Variants in ACACA observed in about 807,000 individuals in gnomAD.
The protein encoded by ACACA is acetyl-CoA carboxylase alpha, also known as acetyl-CoA carboxylase 1.
ACACA carries 103 observed loss-of-function variants against 296.1 expected under a neutral mutation model. The observed-to-expected ratio is 0.35, with a 90% CI of 0.30 to 0.41. ACACA has a LOEUF of 0.41. Among genes scored for constraint, ACACA ranks in the 10% least tolerant of loss-of-function variants. The pLI is 1.00. For missense variants in ACACA, 1,554 were observed against 2,989.7 expected (o/e 0.52, Z 11.20); for synonymous variants, 953 against 1,038.6 (o/e 0.92, Z 1.58).
At chr17:37,399,663 G>A (rs1303264689) in intron 1 of ACACA, among the ~76,000 whole-genome samples, 1 of 152,134 alleles carries the variant, frequency 6.6e-6, no homozygotes, top group Non-Finnish European at 1.5e-5. Context: ...CGCACTCTGT[G>A]TACATGAGAA....
chr17:37,192,054 C>T (rs777715316), intron 37 of ACACA, 36 bp downstream of exon 37: 10 of 1,592,104 alleles, frequency 6.3e-6, no homozygotes, highest in Middle Eastern at 1.7e-4. Flanking sequence ...TGTCCCTTCC[C>T]TCAGGGATAA....
intron 50 of ACACA, among the ~76,000 whole-genome samples, chr17:37,119,589 AACACAC>A (rs71368443): frequency 0.068 from 8,783 of 128,224 alleles, 311 homozygotes; most frequent in Admixed American, 0.11. Context: ...TTTTCAACCA[AACACAC>A]ACACACACAC....
intron 43 of ACACA, 150 bp from the exon 44 acceptor site, chr17:37,151,571 T>C (rs569328194): frequency 5.3e-6 from 5 of 948,708 alleles, no homozygotes; most frequent in Admixed American, 2.5e-5. Context: ...ATACTCTTCA[T>C]TCATATGTCT....
chr17:37,342,775 T>C (rs531311095), intron 1 of ACACA, among the ~76,000 whole-genome samples: 1 of 147,894 alleles, frequency 6.8e-6, no homozygotes, highest in South Asian at 2.2e-4. Context: ...CGAAACCCCA[T>C]CTCTACCAAA....
chr17:37,372,685 G>A (rs1269207442), intron 1 of ACACA, among the ~76,000 whole-genome samples: 2 of 152,084 alleles, frequency 1.3e-5, no homozygotes, highest in South Asian at 2.1e-4. Flanking sequence ...TCTCTGAACT[G>A]CATATGTCAT....
At chr17:37,286,613 T>C (rs917044286) in intron 3 of ACACA, among the ~76,000 whole-genome samples, 1 of 152,220 alleles carries the variant, frequency 6.6e-6, no homozygotes, top group Admixed American at 6.5e-5. Flanking sequence ...AACAGAGACT[T>C]AATTCCAGTC....
At chr17:37,293,264 C>T (rs991439407) in intron 3 of ACACA, among the ~76,000 whole-genome samples, 3 of 152,038 alleles carry the variant, frequency 2.0e-5, no homozygotes, top group African/African-American at 7.2e-5. Flanking sequence ...AGAAAACTTC[C>T]GAATTAGACA....
At chr17:37,200,290 T>A in intron 34 of ACACA, 107 bp from the exon 35 acceptor site, 1 of 1,391,152 alleles carries the variant, frequency 7.2e-7, no homozygotes, top group Non-Finnish European at 1.0e-6. Context: ...TAATGTTTTT[T>A]AAAAATGAAA....
intron 14 of ACACA, 133 bp downstream of exon 14, chr17:37,257,570 T>A: frequency 1.2e-6 from 1 of 820,814 alleles, no homozygotes; most frequent in Non-Finnish European, 1.9e-6. Context: ...TTAAAGATAT[T>A]CAAAATTTCT....
At chr17:37,272,244 G>C (rs1228389212) in intron 9 of ACACA, among the ~76,000 whole-genome samples, 2 of 152,136 alleles carry the variant, frequency 1.3e-5, no homozygotes, top group African/African-American at 4.8e-5. Flanking sequence ...CTTGGAGGCT[G>C]AGGCAGGAGA....
intron 45 of ACACA, among the ~76,000 whole-genome samples, chr17:37,133,907 G>C (rs2075218728): frequency 6.6e-6 from 1 of 152,200 alleles, no homozygotes; most frequent in Non-Finnish European, 1.5e-5. Flanking sequence ...GGGGTCCTCT[G>C]CTGAAGAGTG....
At chr17:37,218,147 C>CACAAAAAAAA (rs1567831969) in intron 29 of ACACA, among the ~76,000 whole-genome samples, 1 of 116,628 alleles carries the variant, frequency 8.6e-6, no homozygotes. Flanking sequence ...CTACCAGTAA[C>CACAAAAAAAA]AAAAAAAAAA....
rs1378152009 is a variant in ACACA, at chr17:37,406,613, C to G, written c.-314G>C. Reference sequence around the variant, plus strand: ...TCACCGCACTCCGGAGGGGACCAAACAGCCCCACGCGCCAGGAAGCCTCAG... The same window carrying G: ...TCACCGCACTCCGGAGGGGACCAAAGAGCCCCACGCGCCAGGAAGCCTCAG... On this transcript the variant is annotated 5_prime_UTR_variant, in exon 1 of 56. Coordinates refer to ENST00000616317, the MANE Select transcript of ACACA (RefSeq NM_198834.3). The G allele has an allele frequency of 1.9e-6, 1 of 539,036 alleles. No individual in the cohort carries two copies. The highest frequency in any genetic ancestry group is 3.3e-6 in the Non-Finnish European group (1 of 299,940). 33.4% of individuals were successfully genotyped at this position (539,036 alleles called of 1,614,324 possible).
At chr17:37,223,449 TAGAC>T in intron 28 of ACACA, 59 bp downstream of exon 28, 1 of 1,354,552 alleles carries the variant, frequency 7.4e-7, no homozygotes. Flanking sequence ...GGCAGCCAAA[TAGAC>T]AGAAGAAACC....
At chr17:37,088,862 A>G (rs1228686576) in intron 55 of ACACA, 76 bp downstream of exon 55, 2 of 1,555,466 alleles carry the variant, frequency 1.3e-6, no homozygotes, top group African/African-American at 2.7e-5. Context: ...CGATCATCTC[A>G]TGATTTGTTT....
intron 10 of ACACA, among the ~76,000 whole-genome samples, chr17:37,267,958 A>G (rs577180721): frequency 8.5e-5 from 13 of 152,140 alleles, no homozygotes; most frequent in Middle Eastern, 6.8e-3. Flanking sequence ...ATGGGGTTTC[A>G]TCATGTTGGC....
At chr17:37,368,403 A>G (rs2049685493) in intron 1 of ACACA, among the ~76,000 whole-genome samples, 1 of 152,216 alleles carries the variant, frequency 6.6e-6, no homozygotes, top group Admixed American at 6.5e-5. Context: ...CAACATGGTG[A>G]AACCCTGTCT....
chr17:37,202,301 CA>C (rs2078284059), intron 33 of ACACA, among the ~76,000 whole-genome samples: 1 of 152,046 alleles, frequency 6.6e-6, no homozygotes, highest in African/African-American at 2.4e-5. Context: ...AAGTGGCTGA[CA>C]ATAACAGCAG....
intron 42 of ACACA, among the ~76,000 whole-genome samples, chr17:37,160,560 A>G (rs117406073): frequency 0.014 from 2,070 of 152,294 alleles, 27 homozygotes; most frequent in East Asian, 0.047. Context: ...AATTTAAAGT[A>G]AGATCAGTCA....
Sources: allele counts gnomAD v4.1 joint callset (sites outside exome capture counted in the v4.1 genomes callset), GRCh38; gene constraint gnomAD v4.1.1; transcripts MANE v1.5; gene names NCBI Gene and HGNC (gene_info 2026-07-23, HGNC 2026-07-21).